The following MYT1L variants were observed in gnomAD, a reference collection of about 807,000 sequenced individuals.
MYT1L encodes myelin transcription factor 1-like protein.
In MYT1L, 12 loss-of-function variants were observed where a neutral mutation model predicts 126.7. The ratio of observed to expected loss-of-function variants is 0.09; its 90% CI spans 0.06 to 0.15. The LOEUF (loss-of-function observed/expected upper bound fraction) is 0.15. Among genes scored for constraint, MYT1L ranks in the 10% least tolerant of loss-of-function variants. The pLI is 1.00. For synonymous variants in MYT1L, 541 were observed against 604.2 expected (o/e 0.90, Z 1.53); for missense variants, 979 against 1,585.2 (o/e 0.62, Z 6.49).
intron 18 of MYT1L, among the ~76,000 whole-genome samples, chr2:1,881,051 G>A (rs921211396): frequency 2.4e-4 from 37 of 152,190 alleles, no homozygotes; most frequent in African/African-American, 6.8e-4. Flanking sequence ...TGGCTTGTGC[G>A]TCAGTATAGT....
At chr2:2,113,289 C>T (rs577821284) in intron 3 of MYT1L, among the ~76,000 whole-genome samples, 11 of 152,308 alleles carry the variant, frequency 7.2e-5, no homozygotes, top group African/African-American at 2.2e-4. Flanking sequence ...TGCAAAACTT[C>T]CATGTGGGGG....
intron 9 of MYT1L, among the ~76,000 whole-genome samples, chr2:1,928,686 C>G (rs2054544375): frequency 6.6e-6 from 1 of 151,930 alleles, no homozygotes; most frequent in South Asian, 2.1e-4. Context: ...TTTCTCCTTT[C>G]AATACTCTGC....
Position 2,231,771 on chromosome 2 carries a change from T to TA in MYT1L, c.-421+52632dup, listed in dbSNP as rs561318642. On this transcript the variant is annotated intron_variant, in intron 2 of 24. Transcript: ENST00000647738. ...GCCAAAAACCAATTTTTTATATATA[T>TA]AAAAAAAGCATGGAACAATGACAAC... 2.9e-4 allele frequency among the ~76,000 whole-genome samples: 44 copies of TA among 152,182 alleles called. 1 individual carries two copies. The highest frequency in any genetic ancestry group is 2.5e-3 in the Admixed American group (38 of 15,278).
rs180678442 is a variant in MYT1L at position 2,166,240 on chromosome 2, T to C, written c.-304+6632A>G. Among the ~76,000 whole-genome samples, 13 of 152,264 alleles carry C rather than the reference T, an allele frequency of 8.5e-5. No homozygotes were observed. In the East Asian group the frequency reaches 2.5e-3, roughly 29 times the overall value. Reference sequence around the variant, plus strand: ...AAACTCATGAACCAGCGAGGCTGTTTTGTCTACAGGTCACTCAGATAAGTC... The same window carrying C: ...AAACTCATGAACCAGCGAGGCTGTTCTGTCTACAGGTCACTCAGATAAGTC... On this transcript the variant is annotated intron_variant, in intron 3 of 24. Transcript: ENST00000647738.
chr2:1,856,531 T>C lies in MYT1L; in HGVS notation c.2712-4828A>G, dbSNP rs542811900. 3.3e-5 allele frequency among the ~76,000 whole-genome samples: 5 copies of C among 152,308 alleles called. No individual in the cohort carries two copies. In the South Asian group the frequency reaches 1.0e-3, roughly 32 times the overall value. ...TGTCCTTCCCAGGACATAAACCCAT[T>C]GCTGTGCGGATTCCCTCCCATTTAC... On this transcript the variant is annotated intron_variant, in intron 18 of 24. Transcript: ENST00000647738.
intron 11 of MYT1L, among the ~76,000 whole-genome samples, chr2:1,916,981 A>G (rs1019300732): frequency 1.3e-5 from 2 of 152,116 alleles, no homozygotes; most frequent in African/African-American, 4.8e-5. Flanking sequence ...CCTGTGCAGG[A>G]GCTTTGTTAG....
At chr2:1,853,663 G>T (rs1558763618) in intron 18 of MYT1L, among the ~76,000 whole-genome samples, 1 of 152,056 alleles carries the variant, frequency 6.6e-6, no homozygotes, top group Non-Finnish European at 1.5e-5. Context: ...TACATACTTG[G>T]TATTACTTTT....
At position 2,168,297 on chromosome 2, in the gene MYT1L, T is replaced by G. The variant is rs145958209; in HGVS notation, c.-304+4575A>C. On this transcript the variant is annotated intron_variant, in intron 3 of 24. Coordinates refer to ENST00000647738, the MANE Select transcript of MYT1L (RefSeq NM_001303052.2). ...GTGCATTGTGTTTCATTTAAAAGAG[T>G]ACTACGTGTGCATGCTAGGAAGCCA... 1.0e-3 allele frequency among the ~76,000 whole-genome samples: 152 copies of G among 152,260 alleles called. No homozygotes were observed. The East Asian group carries it at 0.027, about 27-fold the overall frequency.
intron 3 of MYT1L, among the ~76,000 whole-genome samples, chr2:2,128,203 C>T (rs1486264615): frequency 6.6e-6 from 1 of 152,122 alleles, no homozygotes; most frequent in Non-Finnish European, 1.5e-5. Flanking sequence ...GGCTGGAGTG[C>T]AGTAGTGTAT....
chr2:2,184,017 G>A (rs1171085939), intron 2 of MYT1L, among the ~76,000 whole-genome samples: 2 of 148,022 alleles, frequency 1.4e-5, no homozygotes, highest in Non-Finnish European at 3.0e-5. Context: ...GAGAAAGAGA[G>A]AAAGAAAGAC....
intron 2 of MYT1L, among the ~76,000 whole-genome samples, chr2:2,209,105 T>C (rs1022895008): frequency 6.6e-6 from 1 of 152,186 alleles, no homozygotes; most frequent in Non-Finnish European, 1.5e-5. Flanking sequence ...ACATTTTGTG[T>C]TTTTAATTTT....
At chr2:2,043,569 C>T (rs534306472) in intron 4 of MYT1L, among the ~76,000 whole-genome samples, 43 of 152,290 alleles carry the variant, frequency 2.8e-4, no homozygotes, top group African/African-American at 9.9e-4. Context: ...TTCCTGGACA[C>T]TCCTGCAAGA....
At chr2:2,149,841 G>T (rs1370054750) in intron 3 of MYT1L, among the ~76,000 whole-genome samples, 1 of 152,126 alleles carries the variant, frequency 6.6e-6, no homozygotes, top group South Asian at 2.1e-4. Context: ...TGCCATCCCA[G>T]GTCTGCATTT....
At chr2:2,088,411 G>T (rs949006905) in intron 3 of MYT1L, among the ~76,000 whole-genome samples, 4 of 152,192 alleles carry the variant, frequency 2.6e-5, no homozygotes, top group Admixed American at 6.5e-5. Context: ...GGTGTTTGCA[G>T]TCCTGGTGGT....
intron 21 of MYT1L, among the ~76,000 whole-genome samples, chr2:1,821,460 T>G (rs2038514813): frequency 6.6e-6 from 1 of 152,244 alleles, no homozygotes; most frequent in South Asian, 2.1e-4. Context: ...TCTTGGGTTA[T>G]GAATACAATA....
intron 2 of MYT1L, among the ~76,000 whole-genome samples, chr2:2,180,250 G>A (rs1417775932): frequency 6.6e-6 from 1 of 152,016 alleles, no homozygotes; most frequent in African/African-American, 2.4e-5. Context: ...GGCTCCTTGA[G>A]AGTACAGAAG....
At position 1,793,294 on chromosome 2, in the gene MYT1L, C is replaced by T. The variant is rs2032618042; in HGVS notation, c.3277-830G>A. 6.6e-6 allele frequency among the ~76,000 whole-genome samples: 1 copy of T among 152,250 alleles called. No homozygotes were observed. Among genetic ancestry groups the T allele is most frequent in the African/African-American group, 2.4e-5 (1 of 41,476 alleles). Reference sequence around the variant, plus strand: ...TTGAGTTCAGGGCCTCTGCCTATAACCGCACAGGACTAGCTTCACACGCAG... The same window carrying T: ...TTGAGTTCAGGGCCTCTGCCTATAATCGCACAGGACTAGCTTCACACGCAG... On this transcript the variant is annotated intron_variant, in intron 23 of 24. Transcript: ENST00000647738. This position sits in a 1 kb window ranked among gnomAD's most constrained non-coding sequence, Gnocchi z 4.6.
At chr2:1,870,074 C>CTA (rs2046089029) in intron 18 of MYT1L, among the ~76,000 whole-genome samples, 1 of 143,896 alleles carries the variant, frequency 6.9e-6, no homozygotes, top group Non-Finnish European at 1.5e-5. Flanking sequence ...GCATTCTTCT[C>CTA]CTCTACCTGT....
At chr2:1,962,372 A>G (rs1295620569) in intron 8 of MYT1L, among the ~76,000 whole-genome samples, 3 of 152,240 alleles carry the variant, frequency 2.0e-5, no homozygotes, top group Non-Finnish European at 2.9e-5. Context: ...CCTTAATTTA[A>G]AAATATTTTA....
Sources: gnomAD v4.1 joint callset for allele counts (sites outside exome capture counted in the v4.1 genomes callset) on GRCh38, gnomAD v4.1.1 for gene constraint, Gnocchi (gnomAD v3.1) non-coding constraint, MANE v1.5 for transcripts, NCBI Gene and HGNC (gene_info 2026-07-23, HGNC 2026-07-21) for gene names.